Variants in KIFAP3 observed in about 807,000 individuals in gnomAD.
KIFAP3 encodes the protein kinesin associated protein 3.
A neutral mutation model predicts 106.5 loss-of-function variants in KIFAP3; 68 were observed. The ratio of observed to expected loss-of-function variants is 0.64; its 90% confidence interval spans 0.53 to 0.78. The LOEUF (loss-of-function observed/expected upper bound fraction) is 0.78. Ranked by LOEUF, KIFAP3 falls within the 30% of genes least tolerant of loss-of-function variation. The probability of loss-of-function intolerance (pLI) is 0.00; values close to 1 mark genes in which losing one functional copy is unlikely to be tolerated. For missense variants in KIFAP3, 780 were observed against 941.8 expected (o/e 0.83, Z 2.25); for synonymous variants, 320 against 311.5 (o/e 1.03, Z -0.29).
chr1:170,068,196 T>A (rs1671538006), intron 1 of KIFAP3: 1 of 152,054 alleles, frequency 6.6e-6, no homozygotes, highest in South Asian at 2.1e-4. Flanking sequence ...CTCATTCTCA[T>A]TCTCACAATA....
chr1:169,968,902 G>A (rs1665768260), intron 17 of KIFAP3, among the ~76,000 whole-genome samples: 1 of 151,408 alleles, frequency 6.6e-6, no homozygotes, highest in South Asian at 2.1e-4. Context: ...GTGTGTATAT[G>A]CTTAAATTCT....
chr1:170,082,863 C>T (rs1446804455), intron 1 of KIFAP3, among the ~76,000 whole-genome samples: 1 of 152,110 alleles, frequency 6.6e-6, no homozygotes, highest in East Asian at 1.9e-4. Context: ...ATCCCAGCTA[C>T]TTGGGAGGCT....
intron 1 of KIFAP3, among the ~76,000 whole-genome samples, chr1:170,081,362 GT>G (rs1246134847): frequency 6.6e-6 from 1 of 152,196 alleles, no homozygotes; most frequent in African/African-American, 2.4e-5. Context: ...ACCTATATTA[GT>G]TTTCTATTGC....
intron 12 of KIFAP3, 101 bp downstream of exon 12, chr1:169,984,481 G>T (rs1666685500): frequency 2.0e-6 from 1 of 502,608 alleles, no homozygotes; most frequent in African/African-American, 2.0e-5. Context: ...TTGAAAACAG[G>T]ACTTACATAA....
At chr1:170,082,766 A>G (rs1226347709) in intron 1 of KIFAP3, among the ~76,000 whole-genome samples, 1 of 152,088 alleles carries the variant, frequency 6.6e-6, no homozygotes, top group South Asian at 2.1e-4. Flanking sequence ...TGAGGTCAGG[A>G]GTTCGAGACT....
At chr1:169,993,287 T>C (rs1387135299) in intron 10 of KIFAP3, among the ~76,000 whole-genome samples, 1 of 151,586 alleles carries the variant, frequency 6.6e-6, no homozygotes, top group African/African-American at 2.4e-5. Flanking sequence ...TTTATTTTTA[T>C]TTTTAGTAGA....
In KIFAP3 at chr1:170,031,966, T is replaced by G. The variant is rs746567543; in HGVS notation, c.761A>C (p.Asn254Thr). 101 of 1,608,836 alleles carry G rather than the reference T, an allele frequency of 6.3e-5. No homozygotes were observed. The East Asian group carries it at 1.1e-3, about 18-fold the overall frequency. The change falls in exon 8 of 20, where the codon AAC (asparagine) becomes ACC (threonine). Residue 254 changes from asparagine to threonine, a missense_variant. By Grantham distance (65) the Asn-to-Thr change is moderately conservative. Transcript: ENST00000361580. ...KKKAVDEDPE[N>T]QTLRKDYEKT... ...TTCATAATCCTTTCTCAAGGTTTGGTTTTCAGGGTCTTCATCAAGTAAACA... is the reference window on the plus strand; with the variant it reads ...TTCATAATCCTTTCTCAAGGTTTGGGTTTCAGGGTCTTCATCAAGTAAACA...
chr1:170,021,941 CTTTTTTTTTTTTTT>C (rs71125221), intron 9 of KIFAP3, among the ~76,000 whole-genome samples: 5 of 77,884 alleles, frequency 6.4e-5, no homozygotes, highest in African/African-American at 1.4e-4. Flanking sequence ...TCTTTTCTTT[CTTTTTTTTTTTTTT>C]TTTTTTTTTT....
chr1:169,984,592 A>G lies in KIFAP3; in HGVS notation c.1383T>C (p.Leu461=). The G allele has an allele frequency of 6.3e-7, 1 of 1,587,552 alleles. No homozygotes were observed. Among genetic ancestry groups the G allele is most frequent in the Non-Finnish European group, 8.6e-7 (1 of 1,158,218 alleles). The change falls in exon 12 of 20, where the codon CTT becomes CTC. Residue 461 remains leucine (L), a synonymous_variant. Transcript: ENST00000361580. ...CTCAAAGGCACTGACCTTCACAGAT[A>G]AGCTGTACATTTCTTTTGTTAGCAG... The part of the protein sequence containing the change: ...NLAANKRNVQ[L]ICEGNGLKML...
intron 1 of KIFAP3, among the ~76,000 whole-genome samples, chr1:170,062,134 C>A (rs937798337): frequency 2.3e-4 from 35 of 149,420 alleles, no homozygotes; most frequent in Middle Eastern, 3.6e-3. Context: ...GCACGTTGTG[C>A]ACATGTACCC....
In KIFAP3 at chr1:169,944,006, G is replaced by C. The variant is rs191673006; in HGVS notation, c.2273+10005C>G. Among the ~76,000 whole-genome samples the C allele has an allele frequency of 2.6e-4, 39 of 152,330 alleles. 1 individual carries two copies. In the East Asian group the frequency reaches 7.3e-3, roughly 29 times the overall value. ...CTAAGTCAAAGTCCTAATGTCACAG[G>C]ATCCTTGGGGTGTTGCTTTGCCACC... On this transcript the variant is annotated intron_variant, in intron 19 of 19. Transcript: ENST00000361580.
At position 170,009,472 on chromosome 1, in the gene KIFAP3, GT is replaced by G. The variant is rs200842754; in HGVS notation, c.1183+6989del. 3.1e-3 allele frequency among the ~76,000 whole-genome samples: 467 copies of G among 152,142 alleles called. 15 individuals carry two copies. In the South Asian group the frequency reaches 0.057, roughly 19 times the overall value. On this transcript the variant is annotated intron_variant, in intron 10 of 19. Transcript: ENST00000361580. The stretch of plus-strand genomic sequence containing the variant: ...ACACTGCCATCTGTCACTATGTGAT[GT>G]TTAACTTTTATCCAAGAATGAAGGC...
At chr1:170,072,815 A>T (rs1316877734) in intron 1 of KIFAP3, among the ~76,000 whole-genome samples, 1 of 152,216 alleles carries the variant, frequency 6.6e-6, no homozygotes, top group Non-Finnish European at 1.5e-5. Context: ...GTATGCTTCT[A>T]GTCTGAAAAC....
intron 19 of KIFAP3, among the ~76,000 whole-genome samples, chr1:169,932,116 G>A (rs781349314): frequency 7.9e-5 from 12 of 152,030 alleles, no homozygotes; most frequent in Non-Finnish European, 1.6e-4. Context: ...AAAACCTCTT[G>A]GATTACTCAG....
At chr1:169,979,769 G>C (rs1385606558) in intron 15 of KIFAP3, among the ~76,000 whole-genome samples, 1 of 151,988 alleles carries the variant, frequency 6.6e-6, no homozygotes, top group Non-Finnish European at 1.5e-5. Flanking sequence ...CTACTCCTAC[G>C]TGTGAACCTA....
intron 10 of KIFAP3, among the ~76,000 whole-genome samples, chr1:169,997,518 G>A (rs1667425443): frequency 6.6e-6 from 1 of 151,928 alleles, no homozygotes; most frequent in Admixed American, 6.6e-5. Context: ...CAGTTCAGAG[G>A]TATACTCTGA....
At chr1:170,056,915 A>C (rs925277410) in intron 1 of KIFAP3, among the ~76,000 whole-genome samples, 2 of 152,138 alleles carry the variant, frequency 1.3e-5, no homozygotes, top group African/African-American at 4.8e-5. Flanking sequence ...TTAGGAAATG[A>C]GATATAAATA....
intron 15 of KIFAP3, 151 bp downstream of exon 15, chr1:169,981,821 A>AACTT: frequency 1.6e-6 from 1 of 621,292 alleles, no homozygotes; most frequent in Non-Finnish European, 2.7e-6. Context: ...AGTTAGCAGT[A>AACTT]TATTTAATTC....
intron 5 of KIFAP3, among the ~76,000 whole-genome samples, chr1:170,037,072 C>T (rs1285986011): frequency 1.3e-5 from 2 of 151,996 alleles, no homozygotes; most frequent in South Asian, 4.2e-4. Context: ...AAGTTCAAAT[C>T]AAAATACAAA....
Sources: allele counts gnomAD v4.1 joint callset (sites outside exome capture counted in the v4.1 genomes callset), GRCh38; gene constraint gnomAD v4.1.1; transcripts MANE v1.5; gene names NCBI Gene and HGNC (gene_info 2026-07-23, HGNC 2026-07-21).